Variants in NELL1 observed in about 807,000 individuals in gnomAD.
NELL1 encodes protein kinase C-binding protein NELL1.
NELL1 carries 76 observed loss-of-function variants against 107.4 expected under a neutral mutation model. The ratio of observed to expected loss-of-function variants is 0.71; its 90% CI spans 0.59 to 0.86. NELL1 has a LOEUF of 0.86. NELL1 is among the 40% of genes least tolerant of loss of function. The pLI, the probability that NELL1 is intolerant of heterozygous loss-of-function variation, is 0.00. For missense variants in NELL1, 1,024 were observed against 1,005.5 expected (o/e 1.02, Z -0.25); for synonymous variants, 353 against 341.2 (o/e 1.03, Z -0.38).
At chr11:20,802,408 G>GT (rs199782567) in intron 3 of NELL1, among the ~76,000 whole-genome samples, 38,271 of 144,886 alleles carry the variant, frequency 0.26, 5,429 homozygotes, top group African/African-American at 0.38. Flanking sequence ...CAGAAATGCT[G>GT]TTTTTTTTTT....
At chr11:21,452,368 C>T (rs1484328876) in intron 15 of NELL1, among the ~76,000 whole-genome samples, 1 of 152,054 alleles carries the variant, frequency 6.6e-6, no homozygotes, top group East Asian at 1.9e-4. Flanking sequence ...CCATTACTTT[C>T]TTTTGATAAG....
Position 20,993,184 on chromosome 11 carries a change from A to G in NELL1, c.1300+32624A>G, listed in dbSNP as rs574064719. Among the ~76,000 whole-genome samples, 4 of 152,194 alleles carry G rather than the reference A, an allele frequency of 2.6e-5. No individual in the cohort carries two copies. In the East Asian group the frequency reaches 7.7e-4, roughly 29 times the overall value. On this transcript the variant is annotated intron_variant, in intron 12 of 19. Coordinates refer to ENST00000357134, the MANE Select transcript of NELL1 (RefSeq NM_006157.5). The stretch of plus-strand genomic sequence containing the variant: ...TCCTTGAAATTTTCCTTGACTCCCC[A>G]GGCAGACTTAGATTTTCTCTACTAA...
intron 14 of NELL1, among the ~76,000 whole-genome samples, chr11:21,230,909 A>G (rs1334429193): frequency 6.6e-6 from 1 of 152,198 alleles, no homozygotes; most frequent in African/African-American, 2.4e-5. Context: ...TATTCTAAAA[A>G]AGCACAGGTT....
intron 12 of NELL1, among the ~76,000 whole-genome samples, chr11:21,064,692 G>T (rs1301930121): frequency 1.3e-5 from 2 of 152,062 alleles, no homozygotes; most frequent in Non-Finnish European, 2.9e-5. Context: ...TGGAGGGTGG[G>T]GGGTGGAGAG....
chr11:20,735,260 C>A (rs1257368369), intron 2 of NELL1, among the ~76,000 whole-genome samples: 1 of 152,016 alleles, frequency 6.6e-6, no homozygotes, highest in African/African-American at 2.4e-5. Context: ...TTTTATTAGT[C>A]CATTCTCATG....
At chr11:21,081,056 T>C (rs552078337) in intron 12 of NELL1, among the ~76,000 whole-genome samples, 5 of 152,140 alleles carry the variant, frequency 3.3e-5, no homozygotes, top group East Asian at 1.9e-4. Context: ...ATTGGCTCTG[T>C]AGATTGTTGT....
At chr11:20,968,356 A>AAAGGAAGGAAGGAAGGAAGGAAGGAAGG (rs113924334) in intron 12 of NELL1, among the ~76,000 whole-genome samples, 1 of 151,276 alleles carries the variant, frequency 6.6e-6, no homozygotes, top group African/African-American at 2.4e-5. Flanking sequence ...TTAAAGAAAG[A>AAAGGAAGGAAGGAAGGAAGGAAGGAAGG]AAGGAAGGAA....
At chr11:21,467,670 TATG>T (rs1854066139) in intron 15 of NELL1, among the ~76,000 whole-genome samples, 1 of 152,086 alleles carries the variant, frequency 6.6e-6, no homozygotes, top group Non-Finnish European at 1.5e-5. Flanking sequence ...ATTTAAGGTT[TATG>T]ATGATTTTTC....
intron 12 of NELL1, among the ~76,000 whole-genome samples, chr11:21,023,053 A>G (rs1565019659): frequency 6.6e-6 from 1 of 152,032 alleles, no homozygotes; most frequent in Non-Finnish European, 1.5e-5. Flanking sequence ...TGGGAAGAAT[A>G]CTCACTGAAA....
chr11:20,842,540 C>G (rs1244667129), intron 3 of NELL1, among the ~76,000 whole-genome samples: 1 of 152,142 alleles, frequency 6.6e-6, no homozygotes, highest in Non-Finnish European at 1.5e-5. Flanking sequence ...TGCCTGAGTT[C>G]ACTTGAACTG....
At chr11:21,484,616 A>G (rs1854580294) in intron 15 of NELL1, among the ~76,000 whole-genome samples, 1 of 152,012 alleles carries the variant, frequency 6.6e-6, no homozygotes, top group African/African-American at 2.4e-5. Context: ...ATATGCATAC[A>G]TATCCATATA....
intron 12 of NELL1, among the ~76,000 whole-genome samples, chr11:21,038,047 G>A (rs930568487): frequency 5.3e-5 from 8 of 152,260 alleles, no homozygotes; most frequent in Admixed American, 2.0e-4. Context: ...GAAAAAAATA[G>A]ATGAAACATG....
chr11:20,823,512 A>G (rs1857806187), intron 3 of NELL1, among the ~76,000 whole-genome samples: 1 of 151,290 alleles, frequency 6.6e-6, no homozygotes, highest in South Asian at 2.1e-4. Context: ...GTCTTTTTCC[A>G]CACATGCAGC....
At chr11:21,043,436 A>C (rs1183058960) in intron 12 of NELL1, among the ~76,000 whole-genome samples, 2 of 152,114 alleles carry the variant, frequency 1.3e-5, no homozygotes, top group Non-Finnish European at 2.9e-5. Context: ...TTTTGCTGAG[A>C]GAGAAAGGGA....
At chr11:20,810,810 C>T (rs928600239) in intron 3 of NELL1, among the ~76,000 whole-genome samples, 1 of 151,890 alleles carries the variant, frequency 6.6e-6, no homozygotes, top group African/African-American at 2.4e-5. Context: ...TCTATAGCAG[C>T]ATTACTAGTT....
chr11:21,072,025 C>T (rs1201738212), intron 12 of NELL1, among the ~76,000 whole-genome samples: 4 of 152,090 alleles, frequency 2.6e-5, no homozygotes, highest in Admixed American at 6.6e-5. Context: ...CCACAATTTT[C>T]TCATTATCAT....
intron 14 of NELL1, among the ~76,000 whole-genome samples, chr11:21,296,628 A>C (rs1387337866): frequency 6.6e-6 from 1 of 151,970 alleles, no homozygotes; most frequent in African/African-American, 2.4e-5. Flanking sequence ...GGAAGGAAGA[A>C]GCGCTGATAC....
chr11:20,927,276 C>T (rs201894180), intron 7 of NELL1, 32 bp from the exon 8 acceptor site: 24 of 1,581,804 alleles, frequency 1.5e-5, no homozygotes, highest in South Asian at 2.4e-5. Flanking sequence ...AATTGAATTA[C>T]AGAAATTACA....
At chr11:20,681,761 G>A (rs1775432243) in intron 2 of NELL1, among the ~76,000 whole-genome samples, 2 of 152,078 alleles carry the variant, frequency 1.3e-5, no homozygotes, top group Admixed American at 6.6e-5. Context: ...TGTTAGTAGG[G>A]CTGTGTTCTT....
Sources: gnomAD v4.1 joint callset for allele counts (sites outside exome capture counted in the v4.1 genomes callset) on GRCh38, gnomAD v4.1.1 for gene constraint, MANE v1.5 for transcripts, NCBI Gene and HGNC (gene_info 2026-07-23, HGNC 2026-07-21) for gene names.